ROBO2: variants seen among roughly 807,000 people sequenced by gnomAD.
ROBO2 encodes the protein roundabout guidance receptor 2.
Under a neutral mutation model 160.8 loss-of-function variants are expected in ROBO2, and 53 were observed. That is an observed-to-expected ratio of 0.33 (90% CI 0.26 to 0.41). ROBO2 has a LOEUF of 0.41. ROBO2 is among the 10% of genes least tolerant of loss of function. ROBO2 has a pLI of 1.00. For synonymous variants in ROBO2, 664 were observed against 611.7 expected, an observed-to-expected ratio of 1.09 and a Z score of -1.26; for missense variants, 1,577 against 1,722.4, an observed-to-expected ratio of 0.92 and a Z score of 1.49.
chr3:77,081,256 A>G (rs1298252350), intron 1 of ROBO2, among the ~76,000 whole-genome samples: 3 of 152,222 alleles, frequency 2.0e-5, no homozygotes, highest in Non-Finnish European at 4.4e-5. Context: ...ATTCTTTACA[A>G]TCCAAGGGGC....
intron 2 of ROBO2, among the ~76,000 whole-genome samples, chr3:76,139,632 C>A (rs1200289909): frequency 6.6e-6 from 1 of 151,992 alleles, no homozygotes; most frequent in Non-Finnish European, 1.5e-5. Flanking sequence ...GGGTGATGAC[C>A]TCTGTGGGTC....
rs558574549 is a variant in ROBO2 at position 76,994,100 on chromosome 3, T to G, written c.110-103914T>G. 7.3e-3 allele frequency among the ~76,000 whole-genome samples: 773 copies of G among 105,172 alleles called. 4 individuals carry two copies. Among genetic ancestry groups the G allele is most frequent in the Admixed American group, 0.013 (131 of 10,434 alleles). The allele number at this position is 105,172 out of a possible 152,430, so 69.0% of individuals were successfully genotyped here. ...AGATGTGCTTTTTTTGTTTTTTTTTTTTGTTGTTTTAAAGCTGGTAAATGA... is the reference window on the plus strand; with the variant it reads ...AGATGTGCTTTTTTTGTTTTTTTTTGTTGTTGTTTTAAAGCTGGTAAATGA... On this transcript the variant is annotated intron_variant, in intron 2 of 26. Coordinates refer to the ROBO2 transcript ENST00000487694.
chr3:77,062,799 A>T (rs1335316287), intron 1 of ROBO2, among the ~76,000 whole-genome samples: 1 of 152,136 alleles, frequency 6.6e-6, no homozygotes, highest in Non-Finnish European at 1.5e-5. Context: ...GTTTTGATTG[A>T]TTTGAGTGGA....
At chr3:76,834,692 A>G (rs896359301) in intron 2 of ROBO2, among the ~76,000 whole-genome samples, 7 of 152,022 alleles carry the variant, frequency 4.6e-5, no homozygotes, top group African/African-American at 1.7e-4. Context: ...TTGTAGAAAC[A>G]TTGTCTTGCT....
intron 2 of ROBO2, among the ~76,000 whole-genome samples, chr3:77,295,549 C>A (rs2061973931): frequency 7.6e-6 from 1 of 131,782 alleles, no homozygotes; most frequent in Admixed American, 7.9e-5. Flanking sequence ...GGCTAGATCA[C>A]CAAAGTCATA....
chr3:76,645,741 G>A (rs1229383421), intron 2 of ROBO2, among the ~76,000 whole-genome samples: 3 of 152,142 alleles, frequency 2.0e-5, no homozygotes, highest in Non-Finnish European at 4.4e-5. Context: ...AAAAGAATGA[G>A]AAAATTTGAC....
In ROBO2 at chr3:76,901,995, T is replaced by G. The variant is rs556801064; in HGVS notation, c.110-196019T>G. On this transcript the variant is annotated intron_variant, in intron 2 of 26. Coordinates refer to the ROBO2 transcript ENST00000487694. Reference sequence around the variant, plus strand: ...TCCTGCATTCATAAATCCTCTTTTTTAAACATGTTTTATATAATTTTTTAC... The same window carrying G: ...TCCTGCATTCATAAATCCTCTTTTTGAAACATGTTTTATATAATTTTTTAC... 2.9e-4 allele frequency among the ~76,000 whole-genome samples: 44 copies of G among 152,140 alleles called. No homozygotes were observed. The South Asian group carries it at 8.9e-3, about 31-fold the overall frequency.
At chr3:75,991,546 A>T (rs1349430645) in intron 2 of ROBO2, among the ~76,000 whole-genome samples, 1 of 152,198 alleles carries the variant, frequency 6.6e-6, no homozygotes, top group East Asian at 1.9e-4. Flanking sequence ...CATGTGGAAC[A>T]GTAAGTCCAT....
intron 2 of ROBO2, among the ~76,000 whole-genome samples, chr3:77,132,211 T>C (rs1431389112): frequency 1.1e-4 from 16 of 152,144 alleles, no homozygotes; most frequent in African/African-American, 4.8e-5. Flanking sequence ...TGAATGATGA[T>C]GTTTAATAAT....
intron 2 of ROBO2, among the ~76,000 whole-genome samples, chr3:76,750,445 A>C (rs2093964485): frequency 6.6e-6 from 1 of 152,160 alleles, no homozygotes; most frequent in South Asian, 2.1e-4. Flanking sequence ...AGTTCTGGCC[A>C]GGGCAATCAG....
intron 2 of ROBO2, among the ~76,000 whole-genome samples, chr3:77,293,785 A>G (rs1484787721): frequency 7.0e-6 from 1 of 142,648 alleles, no homozygotes; most frequent in Non-Finnish European, 1.5e-5. Context: ...ATTGATGGTT[A>G]AACGGGAAGT....
intron 6 of ROBO2, among the ~76,000 whole-genome samples, chr3:77,526,316 TG>T (rs1359646037): frequency 1.2e-4 from 18 of 151,566 alleles, no homozygotes; most frequent in African/African-American, 3.6e-4. Context: ...TTTCAATGGC[TG>T]TTCCTATCTT....
intron 2 of ROBO2, among the ~76,000 whole-genome samples, chr3:76,514,349 A>T (rs1309274748): frequency 6.6e-6 from 1 of 152,154 alleles, no homozygotes; most frequent in Non-Finnish European, 1.5e-5. Context: ...CAACTTTAAG[A>T]ACTGCTTAAG....
At chr3:76,365,569 A>G (rs1050184867) in intron 2 of ROBO2, among the ~76,000 whole-genome samples, 2 of 152,116 alleles carry the variant, frequency 1.3e-5, no homozygotes, top group Admixed American at 1.3e-4. Flanking sequence ...AAATGGAAAT[A>G]AAAGTGATGC....
chr3:76,363,808 A>T (rs574547498), intron 2 of ROBO2, among the ~76,000 whole-genome samples: 7 of 151,624 alleles, frequency 4.6e-5, no homozygotes, highest in Admixed American at 1.3e-4. Flanking sequence ...TTTTTTTTTT[A>T]AATGTTTTAT....
intron 2 of ROBO2, among the ~76,000 whole-genome samples, chr3:75,997,306 C>A (rs1322221803): frequency 6.6e-6 from 1 of 152,120 alleles, no homozygotes; most frequent in African/African-American, 2.4e-5. Flanking sequence ...CAGCTAGCTA[C>A]ATTTTTGAAT....
intron 1 of ROBO2, among the ~76,000 whole-genome samples, chr3:77,096,482 C>G (rs1370553684): frequency 6.9e-6 from 1 of 145,938 alleles, no homozygotes; most frequent in African/African-American, 2.6e-5. Flanking sequence ...GAGTTTTACT[C>G]TTGTCACTCG....
intron 2 of ROBO2, among the ~76,000 whole-genome samples, chr3:76,585,565 C>T (rs2085981492): frequency 6.6e-6 from 1 of 152,136 alleles, no homozygotes; most frequent in Non-Finnish European, 1.5e-5. Flanking sequence ...GCCTATGCTG[C>T]TTATTTAGGA....
intron 2 of ROBO2, among the ~76,000 whole-genome samples, chr3:77,380,405 A>G (rs1035998448): frequency 3.3e-5 from 5 of 152,166 alleles, no homozygotes; most frequent in African/African-American, 1.2e-4. Flanking sequence ...AGGAGAACTG[A>G]GAGATTGAGA....
Sources: allele counts gnomAD v4.1 joint callset (sites outside exome capture counted in the v4.1 genomes callset), GRCh38; gene constraint gnomAD v4.1.1; transcripts MANE v1.5; gene names NCBI Gene and HGNC (gene_info 2026-07-23, HGNC 2026-07-21).